The following SERPINE2 variants were observed in gnomAD, a reference collection of about 807,000 sequenced individuals.
The protein encoded by SERPINE2 is glia-derived nexin.
Under a neutral mutation model 36.3 loss-of-function variants are expected in SERPINE2, and 14 were observed. That is an observed-to-expected ratio of 0.39 (90% CI 0.25 to 0.60). The LOEUF (loss-of-function observed/expected upper bound fraction) is 0.60, where lower values mean the gene tolerates loss of function less well. Among genes scored for constraint, SERPINE2 ranks in the 20% least tolerant of loss-of-function variants. The probability of loss-of-function intolerance (pLI) is 0.57; values close to 1 mark genes in which losing one functional copy is unlikely to be tolerated. For synonymous variants in SERPINE2, 192 were observed against 191.8 expected (o/e 1.00, Z -0.01); for missense variants, 418 against 499.6 (o/e 0.84, Z 1.56).
At chr2:223,991,751 C>G in intron 4 of SERPINE2, 52 bp downstream of exon 4, 1 of 1,574,122 alleles carries the variant, frequency 6.4e-7, no homozygotes, top group Non-Finnish European at 8.7e-7. Context: ...CACTCAAGGG[C>G]CTTTCTGCCG....
At chr2:223,990,405 T>A (rs1460470805) in intron 4 of SERPINE2, among the ~76,000 whole-genome samples, 2 of 152,210 alleles carry the variant, frequency 1.3e-5, no homozygotes, top group Non-Finnish European at 2.9e-5. Flanking sequence ...TCTCTGGGAA[T>A]AGCCTGTTTA....
chr2:223,985,886 C>A (rs1690408712), intron 4 of SERPINE2, among the ~76,000 whole-genome samples: 1 of 152,180 alleles, frequency 6.6e-6, no homozygotes, highest in African/African-American at 2.4e-5. Context: ...ATAATTTAAG[C>A]CAGCATTTCT....
intron 1 of SERPINE2, among the ~76,000 whole-genome samples, chr2:224,005,065 T>TTTTATA (rs1553547021): frequency 1.2e-3 from 39 of 33,578 alleles, no homozygotes; most frequent in Middle Eastern, 0.016. Flanking sequence ...TTTATATATA[T>TTTTATA]TATATATATA....
intron 4 of SERPINE2, among the ~76,000 whole-genome samples, chr2:223,986,744 A>C (rs1690446011): frequency 6.6e-6 from 1 of 152,208 alleles, no homozygotes; most frequent in African/African-American, 2.4e-5. Flanking sequence ...GAGAGAGATC[A>C]TCTAGCTTCA....
At chr2:223,999,019 T>C (rs1445147342) in intron 2 of SERPINE2, among the ~76,000 whole-genome samples, 2 of 152,226 alleles carry the variant, frequency 1.3e-5, no homozygotes, top group Admixed American at 6.5e-5. Flanking sequence ...AACTTCCTAA[T>C]GCTTTCTCTC....
intron 1 of SERPINE2, among the ~76,000 whole-genome samples, chr2:224,013,623 G>C (rs1202912981): frequency 6.6e-6 from 1 of 152,194 alleles, no homozygotes; most frequent in Non-Finnish European, 1.5e-5. Flanking sequence ...TTTTCTCTCA[G>C]TGGCTGGCTG....
chr2:224,029,532 A>G (rs1416729918), intron 1 of SERPINE2, among the ~76,000 whole-genome samples: 1 of 152,220 alleles, frequency 6.6e-6, no homozygotes, highest in Non-Finnish European at 1.5e-5. Context: ...AATATTCACC[A>G]TATGTTTAAA....
At chr2:224,014,417 A>G (rs1437306529) in intron 1 of SERPINE2, among the ~76,000 whole-genome samples, 3 of 152,222 alleles carry the variant, frequency 2.0e-5, no homozygotes, top group Non-Finnish European at 2.9e-5. Flanking sequence ...AGGGAGAACC[A>G]CTAGGTAAAT....
chr2:224,012,983 C>T (rs892156847), intron 1 of SERPINE2, among the ~76,000 whole-genome samples: 3 of 152,154 alleles, frequency 2.0e-5, no homozygotes, highest in African/African-American at 7.2e-5. Flanking sequence ...CCCATTACAA[C>T]CCACAGACCA....
At chr2:223,996,641 C>T (rs1690899869) in intron 3 of SERPINE2, among the ~76,000 whole-genome samples, 1 of 152,230 alleles carries the variant, frequency 6.6e-6, no homozygotes, top group South Asian at 2.1e-4. Flanking sequence ...CAGGGATCTG[C>T]CTTCTCAACA....
chr2:224,011,518 A>G (rs991718401), intron 1 of SERPINE2, among the ~76,000 whole-genome samples: 5 of 152,238 alleles, frequency 3.3e-5, no homozygotes, highest in Admixed American at 1.3e-4. Flanking sequence ...AAACTGGGCC[A>G]TGAACATGAT....
intron 1 of SERPINE2, among the ~76,000 whole-genome samples, chr2:224,009,673 T>G (rs1691556687): frequency 6.6e-6 from 1 of 151,234 alleles, no homozygotes; most frequent in East Asian, 1.9e-4. Context: ...CCAGCCCAGG[T>G]GACAGAGTGA....
At chr2:223,984,670 G>T in intron 5 of SERPINE2, 82 bp downstream of exon 5, 2 of 1,312,958 alleles carry the variant, frequency 1.5e-6, no homozygotes, top group African/African-American at 1.5e-5. Flanking sequence ...CCATATTTTC[G>T]CCTCATGTTG....
At chr2:224,001,087 A>G (rs1394471445) in intron 2 of SERPINE2, among the ~76,000 whole-genome samples, 3 of 152,134 alleles carry the variant, frequency 2.0e-5, no homozygotes, top group Non-Finnish European at 4.4e-5. Flanking sequence ...GGAAATTTCC[A>G]TCAGGTCAGT....
chr2:224,039,269 C>G lies in SERPINE2; in HGVS notation c.-193G>C, dbSNP rs961576437. On this transcript the variant is annotated 5_prime_UTR_variant, in exon 1 of 9. Transcript: ENST00000409304. This position sits in a 1 kb window ranked among gnomAD's most constrained non-coding sequence, Gnocchi z 5.2. ...TGGCGCCTGCAGACGCCGCGCAGCC[C>G]GGGCAGCCCCACAGCGCAAGCTGGC... 1 of 150,470 alleles carries G rather than the reference C, an allele frequency of 6.6e-6. No individual in the cohort carries two copies. The highest frequency in any genetic ancestry group is 1.5e-5 in the Non-Finnish European group (1 of 67,362). 9.3% of individuals were successfully genotyped at this position (150,470 alleles called of 1,614,324 possible).
At chr2:223,991,745 C>G (rs1431559947) in intron 4 of SERPINE2, 58 bp downstream of exon 4, 1 of 1,557,140 alleles carries the variant, frequency 6.4e-7, no homozygotes, top group African/African-American at 1.4e-5. Flanking sequence ...TTAAAGCACT[C>G]AAGGGCCTTT....
Position 223,984,894 on chromosome 2 carries a change from CGTG to C in SERPINE2, c.739_741del (p.His247del). 1 of 1,614,128 alleles carries C rather than the reference CGTG, an allele frequency of 6.2e-7. No individual in the cohort carries two copies. Among genetic ancestry groups the C allele is most frequent in the Non-Finnish European group, 8.5e-7 (1 of 1,180,028 alleles). On this transcript the variant is annotated inframe_deletion, in exon 5 of 9. Coordinates refer to ENST00000409304, the MANE Select transcript of SERPINE2 (RefSeq NM_001136528.2). ...GCAATCAGCATGCTGATGCTTTCCC[CGTG>C]GTAGGGCAGTTCAATGAAGTTGTAC...
At chr2:224,004,354 C>T (rs778160315) in intron 1 of SERPINE2, among the ~76,000 whole-genome samples, 11 of 152,182 alleles carry the variant, frequency 7.2e-5, no homozygotes, top group Non-Finnish European at 1.0e-4. Flanking sequence ...GTGAAACAAG[C>T]GCTTTTCTAA....
chr2:224,035,244 G>A (rs1004125845), intron 1 of SERPINE2, among the ~76,000 whole-genome samples: 8 of 152,256 alleles, frequency 5.3e-5, no homozygotes, highest in East Asian at 1.9e-4. Flanking sequence ...GAGCCAGAAC[G>A]CCACTATAAG....
Sources: gnomAD v4.1 joint callset for allele counts (sites outside exome capture counted in the v4.1 genomes callset) on GRCh38, gnomAD v4.1.1 for gene constraint, Gnocchi (gnomAD v3.1) non-coding constraint, MANE v1.5 for transcripts, NCBI Gene and HGNC (gene_info 2026-07-23, HGNC 2026-07-21) for gene names.